FLT3: variants seen among roughly 807,000 people sequenced by gnomAD.
The protein encoded by FLT3 is fms related receptor tyrosine kinase 3.
A neutral mutation model predicts 126.6 loss-of-function variants in FLT3; 46 were observed. The observed-to-expected ratio is 0.36, with a 90% CI of 0.29 to 0.46. The LOEUF is 0.46. Ranked by LOEUF, FLT3 falls within the 20% of genes least tolerant of loss-of-function variation. The probability of loss-of-function intolerance (pLI) is 1.00; values close to 1 mark genes in which losing one functional copy is unlikely to be tolerated. For synonymous variants in FLT3, 404 were observed against 434.4 expected (o/e 0.93, Z 0.87); for missense variants, 1,069 against 1,190.3 (o/e 0.90, Z 1.50).
chr13:28,003,560 C>A lies in FLT3; in HGVS notation c.*492G>T. On this transcript the variant is annotated 3_prime_UTR_variant, in exon 24 of 24. Coordinates refer to ENST00000241453, the MANE Select transcript of FLT3 (RefSeq NM_004119.3). The stretch of plus-strand genomic sequence containing the variant: ...TGCACAATTTCAGGGGGTTCGTGAA[C>A]TCCAGTTAAGACTTGCCCTAATTAT... The A allele has an allele frequency of 4.2e-6, 1 of 238,092 alleles. No homozygotes were observed. The highest frequency in any genetic ancestry group is 8.3e-6 in the Non-Finnish European group (1 of 120,490). The allele number at this position is 238,092 out of a possible 1,614,324, so 14.7% of individuals were successfully genotyped here.
chr13:28,044,387 T>C (rs1593254147), intron 9 of FLT3, among the ~76,000 whole-genome samples: 1 of 150,180 alleles, frequency 6.7e-6, no homozygotes, highest in Admixed American at 6.6e-5. Context: ...GAGACGGAGG[T>C]TGCAGTGAGC....
chr13:28,016,142 CCA>C (rs1733618626), intron 20 of FLT3, among the ~76,000 whole-genome samples: 1 of 152,130 alleles, frequency 6.6e-6, no homozygotes, highest in Admixed American at 6.5e-5. Context: ...AGAAATGATA[CCA>C]GTCTGGCTTC....
chr13:28,083,435 A>G (rs1217184088), intron 1 of FLT3, among the ~76,000 whole-genome samples: 2 of 152,104 alleles, frequency 1.3e-5, no homozygotes, highest in Non-Finnish European at 2.9e-5. Context: ...ACACTCATGG[A>G]AGTTATTGAT....
At chr13:28,052,480 C>T (rs1376686567) in intron 5 of FLT3, 65 bp downstream of exon 5, 3 of 1,468,964 alleles carry the variant, frequency 2.0e-6, no homozygotes, top group Non-Finnish European at 2.8e-6. Context: ...AGCTTGATGT[C>T]AACTACATTA....
In FLT3 at chr13:28,095,460, G is replaced by A. The variant is rs148897473; in HGVS notation, c.43+5008C>T. On this transcript the variant is annotated intron_variant, in intron 1 of 23. Coordinates refer to ENST00000241453, the MANE Select transcript of FLT3 (RefSeq NM_004119.3). ...CCAGCTAATTTTTGTATTTTTAGTA[G>A]AGACAGGGTTTTATCACGTTGGCCA... is the stretch of plus-strand genomic sequence containing the variant. 3.3e-3 allele frequency among the ~76,000 whole-genome samples: 509 copies of A among 152,220 alleles called. 1 individual carries two copies. Among genetic ancestry groups the A allele is most frequent in the African/African-American group, 0.012 (488 of 41,524 alleles).
At chr13:28,065,326 G>A (rs942825457) in intron 2 of FLT3, among the ~76,000 whole-genome samples, 4 of 152,150 alleles carry the variant, frequency 2.6e-5, no homozygotes, top group African/African-American at 9.7e-5. Flanking sequence ...GTCATGTCAT[G>A]TCTCAAAAAA....
chr13:28,083,133 G>A (rs978242853), intron 1 of FLT3, among the ~76,000 whole-genome samples: 2 of 152,096 alleles, frequency 1.3e-5, no homozygotes, highest in East Asian at 1.9e-4. Context: ...GATCCACCAC[G>A]TGCCCAGCCG....
In FLT3 at chr13:28,003,985, GT is replaced by G. The variant is rs1198893383; in HGVS notation, c.*66del. 1 of 1,564,056 alleles carries G rather than the reference GT, an allele frequency of 6.4e-7. No homozygotes were observed. Among genetic ancestry groups the G allele is most frequent in the East Asian group, 2.3e-5 (1 of 44,356 alleles). On this transcript the variant is annotated 3_prime_UTR_variant, in exon 24 of 24. Transcript: ENST00000241453. ...TTCTTTTAGTGATGAAATTAATCTT[GT>G]TTTGGTAATCTACAGCCTGTTAGGG... is the stretch of plus-strand genomic sequence containing the variant.
At chr13:28,054,978 T>G (rs1375014209) in intron 4 of FLT3, among the ~76,000 whole-genome samples, 1 of 152,250 alleles carries the variant, frequency 6.6e-6, no homozygotes, top group African/African-American at 2.4e-5. Context: ...TTATATAGAT[T>G]GTTTATCTTA....
At chr13:28,076,027 C>T (rs1006387249) in intron 1 of FLT3, among the ~76,000 whole-genome samples, 1 of 152,044 alleles carries the variant, frequency 6.6e-6, no homozygotes, top group East Asian at 2.0e-4. Flanking sequence ...GAACTCCTGA[C>T]TTCAAGTGAT....
At chr13:28,019,470 G>A (rs948919510) in intron 19 of FLT3, among the ~76,000 whole-genome samples, 3 of 151,964 alleles carry the variant, frequency 2.0e-5, no homozygotes, top group Non-Finnish European at 4.4e-5. Context: ...AGATCTGAAG[G>A]GGAACAGGGC....
intron 23 of FLT3, among the ~76,000 whole-genome samples, chr13:28,005,482 T>C (rs1870800401): frequency 1.3e-5 from 2 of 152,354 alleles, no homozygotes; most frequent in Non-Finnish European, 2.9e-5. Flanking sequence ...ATACTGCTCA[T>C]ATGTTGCCTG....
intron 2 of FLT3, among the ~76,000 whole-genome samples, chr13:28,070,238 C>T (rs758128956): frequency 6.6e-6 from 1 of 152,108 alleles, no homozygotes; most frequent in Non-Finnish European, 1.5e-5. Flanking sequence ...TACCAAGGGA[C>T]GACTCTACTC....
At chr13:28,043,502 C>A (rs1037164775) in intron 9 of FLT3, among the ~76,000 whole-genome samples, 5 of 152,056 alleles carry the variant, frequency 3.3e-5, no homozygotes, top group African/African-American at 7.2e-5. Context: ...ATTACAGGGG[C>A]CTTTCAGTAA....
intron 23 of FLT3, among the ~76,000 whole-genome samples, chr13:28,011,868 G>A (rs1370735497): frequency 2.0e-5 from 3 of 151,242 alleles, no homozygotes; most frequent in East Asian, 1.9e-4. Context: ...TGCCATCTCG[G>A]CTCACTGCAA....
At chr13:28,014,052 G>A (rs545395711) in intron 23 of FLT3, among the ~76,000 whole-genome samples, 3 of 152,070 alleles carry the variant, frequency 2.0e-5, no homozygotes, top group East Asian at 1.9e-4. Flanking sequence ...TGGGGGAATC[G>A]CTTGAGCCCA....
intron 19 of FLT3, among the ~76,000 whole-genome samples, chr13:28,019,314 A>G (rs1872174060): frequency 6.6e-6 from 1 of 152,140 alleles, no homozygotes; most frequent in Non-Finnish European, 1.5e-5. Context: ...AAATGGAGTA[A>G]TATCGAGGGA....
intron 2 of FLT3, among the ~76,000 whole-genome samples, chr13:28,063,696 C>A (rs56090729): frequency 0.99 from 150,908 of 151,874 alleles, 74,982 homozygotes; most frequent in South Asian, 1. Flanking sequence ...TGTTCACTTA[C>A]TATGATAAGT....
At chr13:28,080,030 C>T (rs986354734) in intron 1 of FLT3, among the ~76,000 whole-genome samples, 4 of 152,180 alleles carry the variant, frequency 2.6e-5, no homozygotes, top group Non-Finnish European at 5.9e-5. Flanking sequence ...AAGCCACTCA[C>T]GAGGTATCCA....
Sources: allele counts gnomAD v4.1 joint callset (sites outside exome capture counted in the v4.1 genomes callset), GRCh38; gene constraint gnomAD v4.1.1; transcripts MANE v1.5; gene names NCBI Gene and HGNC (gene_info 2026-07-23, HGNC 2026-07-21).